The following TBC1D19 variants were observed in gnomAD, a reference collection of about 807,000 sequenced individuals.
TBC1D19 encodes the protein TBC1 domain family, member 19.
A neutral mutation model predicts 89.0 loss-of-function variants in TBC1D19; 60 were observed. The ratio of observed to expected loss-of-function variants is 0.67; its 90% CI spans 0.55 to 0.84. The LOEUF (loss-of-function observed/expected upper bound fraction) is 0.84, where lower values mean the gene tolerates loss of function less well. Ranked by LOEUF, TBC1D19 falls within the 40% of genes least tolerant of loss-of-function variation. The probability of loss-of-function intolerance (pLI) is 0.00; values close to 1 mark genes in which losing one functional copy is unlikely to be tolerated. For synonymous variants in TBC1D19, 189 were observed against 199.7 expected (o/e 0.95, Z 0.45); for missense variants, 500 against 610.8 (o/e 0.82, Z 1.91).
chr4:26,743,486 T>C (rs1304298773), intron 18 of TBC1D19, among the ~76,000 whole-genome samples: 2 of 152,098 alleles, frequency 1.3e-5, no homozygotes, highest in East Asian at 1.9e-4. Context: ...GTTAAGATAA[T>C]TCAGTTTGTT....
chr4:26,609,742 A>G (rs982071060), intron 1 of TBC1D19, among the ~76,000 whole-genome samples: 2 of 152,174 alleles, frequency 1.3e-5, no homozygotes, highest in Non-Finnish European at 2.9e-5. Flanking sequence ...CACAGCTGGG[A>G]AAGACTTATG....
intron 3 of TBC1D19, among the ~76,000 whole-genome samples, chr4:26,617,864 T>C (rs1741795100): frequency 6.6e-6 from 1 of 152,244 alleles, no homozygotes; most frequent in Non-Finnish European, 1.5e-5. Context: ...ATAGCATAGT[T>C]TGCTGTTATA....
At chr4:26,659,856 A>T in intron 8 of TBC1D19, 149 bp downstream of exon 8, 1 of 468,766 alleles carries the variant, frequency 2.1e-6, no homozygotes, top group Non-Finnish European at 3.7e-6. Flanking sequence ...AAATATGTAT[A>T]TAGAGAGAGC....
chr4:26,621,331 T>C (rs1044791210), intron 4 of TBC1D19, among the ~76,000 whole-genome samples: 2 of 152,194 alleles, frequency 1.3e-5, no homozygotes, highest in African/African-American at 4.8e-5. Context: ...TCCAGTCCTG[T>C]CCGTAAGCCT....
chr4:26,619,084 G>A (rs1448747816), intron 3 of TBC1D19, among the ~76,000 whole-genome samples: 3 of 151,996 alleles, frequency 2.0e-5, no homozygotes, highest in Non-Finnish European at 4.4e-5. Context: ...CTTGATTTTG[G>A]TCTTAATATG....
chr4:26,744,141 G>A (rs186033889), intron 18 of TBC1D19, among the ~76,000 whole-genome samples: 48 of 151,376 alleles, frequency 3.2e-4, no homozygotes, highest in Middle Eastern at 3.9e-3. Flanking sequence ...CTTTTACTAG[G>A]TTATCATATT....
At chr4:26,858,288 A>C in the TBC1D19 span, 1 of 152,194 alleles carries the variant, frequency 6.6e-6, no homozygotes, top group Non-Finnish European at 1.5e-5. Flanking sequence ...TTCTGAAAAA[A>C]AAAAAAGGCA....
intron 20 of TBC1D19, chr4:26,754,285 CT>C: frequency 6.1e-6 from 1 of 162,770 alleles, no homozygotes; most frequent in Non-Finnish European, 1.3e-5. Context: ...GATACATGGG[CT>C]TTTTTGGTTA....
intron 12 of TBC1D19, among the ~76,000 whole-genome samples, chr4:26,685,755 T>G (rs1226417252): frequency 2.0e-5 from 3 of 152,154 alleles, no homozygotes; most frequent in African/African-American, 4.8e-5. Context: ...AAGTTTGAGG[T>G]CAAATTATTA....
upstream of TBC1D19, among the ~76,000 whole-genome samples, chr4:26,579,408 C>T (rs530905587): frequency 2.0e-5 from 3 of 151,792 alleles, no homozygotes; most frequent in Non-Finnish European, 4.4e-5. Flanking sequence ...AAGTCTTCTT[C>T]GGAGCTTCTT....
the TBC1D19 span, among the ~76,000 whole-genome samples, chr4:26,842,648 T>TTTCTTTCTTTCTTTC: frequency 1.1e-4 from 15 of 132,204 alleles, no homozygotes; most frequent in African/African-American, 3.6e-4. Flanking sequence ...TTCTTTCTTT[T>TTTCTTTCTTTCTTTC]TCTTTCTTCT....
intron 15 of TBC1D19, among the ~76,000 whole-genome samples, chr4:26,720,966 C>T (rs1202483973): frequency 6.6e-6 from 1 of 152,076 alleles, no homozygotes; most frequent in Non-Finnish European, 1.5e-5. Flanking sequence ...TTACTGATCA[C>T]TATATCTAAA....
intron 19 of TBC1D19, among the ~76,000 whole-genome samples, chr4:26,752,243 CTTTTT>C (rs758735137): frequency 1.6e-5 from 2 of 128,884 alleles, no homozygotes; most frequent in Non-Finnish European, 1.7e-5. Flanking sequence ...ATATTTCTTT[CTTTTT>C]TTTTTTTTTT....
rs535010167 is a variant in TBC1D19, at chr4:26,748,975, G to A, written c.1435+449G>A. On this transcript the variant is annotated intron_variant, in intron 19 of 20. Coordinates refer to ENST00000264866, the MANE Select transcript of TBC1D19 (RefSeq NM_018317.4). Reference sequence around the variant, plus strand: ...ACATGGCTGAAACCTCAGCTCTTCTGTGTCTATTTATAAATGAAGTTAAAA... The same window carrying A: ...ACATGGCTGAAACCTCAGCTCTTCTATGTCTATTTATAAATGAAGTTAAAA... 2.0e-5 allele frequency among the ~76,000 whole-genome samples: 3 copies of A among 152,286 alleles called. No homozygotes were observed. In the East Asian group the frequency reaches 5.8e-4, roughly 29 times the overall value.
intron 11 of TBC1D19, among the ~76,000 whole-genome samples, chr4:26,683,439 T>C (rs1713532179): frequency 6.6e-6 from 1 of 152,222 alleles, no homozygotes; most frequent in Non-Finnish European, 1.5e-5. Flanking sequence ...AGTTAAATTA[T>C]AGTTAACTTA....
downstream of TBC1D19, among the ~76,000 whole-genome samples, chr4:26,756,477 C>T (rs1719265779): frequency 6.6e-6 from 1 of 151,972 alleles, no homozygotes; most frequent in East Asian, 1.9e-4. Flanking sequence ...GAATTCTGGT[C>T]CTCAGATGGG....
At chr4:26,637,311 AG>A in intron 5 of TBC1D19, 26 bp downstream of exon 5, 1 of 1,552,144 alleles carries the variant, frequency 6.4e-7, no homozygotes, top group Non-Finnish European at 8.9e-7. Flanking sequence ...TTTCTGTTTA[AG>A]TATTTCATTG....
At chr4:26,640,735 C>T (rs1002395308) in intron 7 of TBC1D19, among the ~76,000 whole-genome samples, 4 of 152,212 alleles carry the variant, frequency 2.6e-5, no homozygotes, top group Admixed American at 6.5e-5. Context: ...TCTTAGCAAA[C>T]GGCACACCAG....
At chr4:26,765,495 T>C in the TBC1D19 span, among the ~76,000 whole-genome samples, 1 of 148,828 alleles carries the variant, frequency 6.7e-6, no homozygotes, top group Non-Finnish European at 1.5e-5. Flanking sequence ...ATGAGAGAAG[T>C]GGGGAGCAAA....
Sources: gnomAD v4.1 joint callset for allele counts (sites outside exome capture counted in the v4.1 genomes callset) on GRCh38, gnomAD v4.1.1 for gene constraint, MANE v1.5 for transcripts, NCBI Gene and HGNC (gene_info 2026-07-23, HGNC 2026-07-21) for gene names.